The following RORA variants were observed in gnomAD, a reference collection of about 807,000 sequenced individuals.
RORA encodes nuclear receptor ROR-alpha.
In RORA, 7 loss-of-function variants were observed where a neutral mutation model predicts 69.5. That is an observed-to-expected ratio of 0.10 (90% confidence interval 0.06 to 0.19). RORA has a LOEUF of 0.19. RORA is among the 10% of genes least tolerant of loss of function. RORA has a pLI of 1.00. For missense variants in RORA, 457 were observed against 663.0 expected (o/e 0.69, Z 3.41); for synonymous variants, 261 against 240.8 (o/e 1.08, Z -0.78).
At chr15:60,539,301 T>C (rs897879626) in intron 2 of RORA, among the ~76,000 whole-genome samples, 5 of 152,192 alleles carry the variant, frequency 3.3e-5, no homozygotes, top group African/African-American at 1.2e-4. Flanking sequence ...TATTAATCCT[T>C]TGTAATATAT....
At chr15:60,549,174 T>C (rs2067159057) in intron 2 of RORA, among the ~76,000 whole-genome samples, 1 of 152,168 alleles carries the variant, frequency 6.6e-6, no homozygotes, top group South Asian at 2.1e-4. Flanking sequence ...ATTAAGCATG[T>C]TGTGTTGGAT....
chr15:60,829,345 G>T (rs1282372184), intron 1 of RORA, among the ~76,000 whole-genome samples: 7 of 152,206 alleles, frequency 4.6e-5, no homozygotes, highest in Admixed American at 2.6e-4. Flanking sequence ...CTCAGTCCCT[G>T]TATCAGTGAG....
At position 60,684,672 on chromosome 15, in the gene RORA, A is replaced by T. The variant is rs141553579; in HGVS notation, c.167-5986T>A. On this transcript the variant is annotated intron_variant, in intron 1 of 10. Transcript: ENST00000335670. Reference sequence around the variant, plus strand: ...CCATGTAGATTTCCTTTTATTTTAAAAATATGTCAATATTTTTACTTTGCA... The same window carrying T: ...CCATGTAGATTTCCTTTTATTTTAATAATATGTCAATATTTTTACTTTGCA... Among the ~76,000 whole-genome samples the T allele has an allele frequency of 4.3e-3, 650 of 152,296 alleles. 29 individuals carry two copies. In the South Asian group the frequency reaches 0.073, roughly 17 times the overall value.
rs1056267435 is a variant in RORA, at chr15:60,579,975, A to T, written c.197-48124T>A. ...TTTGTATTTATTAATGACTACACAG[A>T]GCACTACTATTTTTCAATAGCACTT... On this transcript the variant is annotated intron_variant, in intron 2 of 10. Transcript: ENST00000335670. Among the ~76,000 whole-genome samples, 24 of 152,328 alleles carry T rather than the reference A, an allele frequency of 1.6e-4. 1 individual carries two copies. The highest frequency in any genetic ancestry group is 5.1e-4 in the African/African-American group (21 of 41,576).
intron 1 of RORA, among the ~76,000 whole-genome samples, chr15:61,137,105 A>G (rs1416047416): frequency 1.3e-5 from 2 of 151,866 alleles, no homozygotes; most frequent in African/African-American, 4.8e-5. Flanking sequence ...GAAAGAAAAA[A>G]GCAAGGGTGT....
At chr15:61,018,263 G>A (rs548166736) in intron 1 of RORA, among the ~76,000 whole-genome samples, 1 of 152,272 alleles carries the variant, frequency 6.6e-6, no homozygotes, top group African/African-American at 2.4e-5. Context: ...AGAGTGGCAA[G>A]TACCGGGGGC....
chr15:60,919,600 C>A (rs974624231), intron 1 of RORA, among the ~76,000 whole-genome samples: 2 of 152,158 alleles, frequency 1.3e-5, no homozygotes, highest in African/African-American at 4.8e-5. Flanking sequence ...TACAAAGACT[C>A]CTGTATCACA....
chr15:61,151,746 G>A (rs2079399864), intron 1 of RORA, among the ~76,000 whole-genome samples: 4 of 152,062 alleles, frequency 2.6e-5, no homozygotes, highest in Admixed American at 2.6e-4. Context: ...TATACTTTTT[G>A]AATACGAAGC....
intron 1 of RORA, among the ~76,000 whole-genome samples, chr15:60,865,388 A>G (rs1350425252): frequency 1.3e-5 from 2 of 152,184 alleles, no homozygotes; most frequent in African/African-American, 2.4e-5. Flanking sequence ...CCCTGGGCTT[A>G]TTAATATTAA....
At chr15:60,553,338 G>A (rs2140397472) in intron 2 of RORA, among the ~76,000 whole-genome samples, 1 of 152,310 alleles carries the variant, frequency 6.6e-6, no homozygotes, top group South Asian at 2.1e-4. Flanking sequence ...GAGATGCACT[G>A]TGCTGTGATT....
intron 1 of RORA, among the ~76,000 whole-genome samples, chr15:60,783,326 G>A (rs1013468869): frequency 6.6e-6 from 1 of 151,926 alleles, no homozygotes; most frequent in Non-Finnish European, 1.5e-5. Context: ...CCTCATCTCT[G>A]CAAAGGGGTG....
At chr15:61,022,405 A>T (rs1895573571) in intron 1 of RORA, among the ~76,000 whole-genome samples, 1 of 152,272 alleles carries the variant, frequency 6.6e-6, no homozygotes, top group South Asian at 2.1e-4. Flanking sequence ...CCGCAGGAAG[A>T]TAAGTTTGGA....
chr15:60,979,949 A>G (rs769840790), intron 1 of RORA, among the ~76,000 whole-genome samples: 21 of 152,182 alleles, frequency 1.4e-4, no homozygotes, highest in Non-Finnish European at 2.5e-4. Context: ...CATCCATATC[A>G]TGTTTCTGAT....
At chr15:60,930,215 A>G (rs1892336514) in intron 1 of RORA, among the ~76,000 whole-genome samples, 1 of 152,146 alleles carries the variant, frequency 6.6e-6, no homozygotes, top group Admixed American at 6.5e-5. Flanking sequence ...AAAAAGCTCA[A>G]CATAAGACCT....
chr15:60,823,092 C>T (rs10459629), intron 1 of RORA, among the ~76,000 whole-genome samples: 1 of 99,606 alleles, frequency 1.0e-5, no homozygotes, highest in Non-Finnish European at 2.0e-5. Flanking sequence ...TCCTTCTTTC[C>T]TTCCTTCATT....
At chr15:60,764,899 T>C (rs1254069017) in intron 1 of RORA, 2 of 151,818 alleles carry the variant, frequency 1.3e-5, no homozygotes, top group African/African-American at 2.4e-5. Flanking sequence ...TCTTTAAAAA[T>C]GGGTTCATCA....
intron 1 of RORA, among the ~76,000 whole-genome samples, chr15:60,988,804 G>A (rs1246821614): frequency 2.0e-5 from 3 of 152,122 alleles, no homozygotes; most frequent in African/African-American, 4.8e-5. Context: ...TACTCCAGGT[G>A]CACAGAGATT....
chr15:60,775,185 T>C (rs1358570116), intron 1 of RORA, among the ~76,000 whole-genome samples: 2 of 152,200 alleles, frequency 1.3e-5, no homozygotes, highest in Non-Finnish European at 2.9e-5. Flanking sequence ...GTAACGTGAC[T>C]CTAAATGGAT....
chr15:61,078,375 T>TGTAG (rs1232963037), intron 1 of RORA, among the ~76,000 whole-genome samples: 3 of 99,808 alleles, frequency 3.0e-5, no homozygotes, highest in Non-Finnish European at 6.7e-5. Flanking sequence ...GTGTGTGTAG[T>TGTAG]TTTAGTAGAA....
Sources: gnomAD v4.1 joint callset for allele counts (sites outside exome capture counted in the v4.1 genomes callset) on GRCh38, gnomAD v4.1.1 for gene constraint, MANE v1.5 for transcripts, NCBI Gene and HGNC (gene_info 2026-07-23, HGNC 2026-07-21) for gene names.